The following CSMD1 variants were observed in gnomAD, a reference collection of about 807,000 sequenced individuals.
The protein encoded by CSMD1 is CUB and sushi domain-containing protein 1.
Under a neutral mutation model 417.5 loss-of-function variants are expected in CSMD1, and 213 were observed. The observed-to-expected ratio is 0.51, with a 90% CI of 0.46 to 0.57. The LOEUF is 0.57. Among genes scored for constraint, CSMD1 ranks in the 20% least tolerant of loss-of-function variants. The pLI, the probability that CSMD1 is intolerant of heterozygous loss-of-function variation, is 0.00. For missense variants in CSMD1, 6,923 were observed against 4,529.7 expected, an observed-to-expected ratio of 1.53 and a Z score of -15.17; for synonymous variants, 2,862 against 1,736.8, an observed-to-expected ratio of 1.65 and a Z score of -16.11.
intron 54 of CSMD1, among the ~76,000 whole-genome samples, chr8:2,988,188 T>C (rs1352162376): frequency 6.6e-6 from 1 of 152,170 alleles, no homozygotes; most frequent in African/African-American, 2.4e-5. Flanking sequence ...CCCATAATGA[T>C]TCTTTAGTGA....
chr8:3,993,876 C>A (rs1372678334), intron 5 of CSMD1, among the ~76,000 whole-genome samples: 1 of 152,084 alleles, frequency 6.6e-6, no homozygotes, highest in Non-Finnish European at 1.5e-5. Flanking sequence ...ATAATGGGAT[C>A]GACAAAAGAT....
intron 3 of CSMD1, among the ~76,000 whole-genome samples, chr8:4,204,461 G>T (rs931301897): frequency 2.0e-5 from 3 of 152,078 alleles, no homozygotes; most frequent in Admixed American, 1.3e-4. Context: ...GAACACCTGA[G>T]ATTTTGTCAG....
At chr8:4,831,450 C>G (rs1800142422) in intron 1 of CSMD1, among the ~76,000 whole-genome samples, 1 of 152,202 alleles carries the variant, frequency 6.6e-6, no homozygotes, top group South Asian at 2.1e-4. Context: ...GGAGTACATT[C>G]TATGTGCCAA....
At chr8:4,850,422 A>T in intron 1 of CSMD1, among the ~76,000 whole-genome samples, 1 of 131,686 alleles carries the variant, frequency 7.6e-6, no homozygotes, top group Non-Finnish European at 1.6e-5. Context: ...GCCTTTAGTA[A>T]AAAACATCTT....
intron 1 of CSMD1, among the ~76,000 whole-genome samples, chr8:4,729,180 G>T (rs1460146810): frequency 6.6e-6 from 1 of 152,056 alleles, no homozygotes; most frequent in African/African-American, 2.4e-5. Flanking sequence ...AAAATCAGAG[G>T]TCTCAGGAAA....
chr8:3,358,185 C>T (rs752896635), intron 21 of CSMD1, among the ~76,000 whole-genome samples: 4 of 152,174 alleles, frequency 2.6e-5, no homozygotes, highest in Admixed American at 6.5e-5. Context: ...GCCTCCAGTT[C>T]GTTAACTGGT....
intron 17 of CSMD1, among the ~76,000 whole-genome samples, chr8:3,392,459 T>C (rs1313254257): frequency 6.6e-6 from 1 of 152,056 alleles, no homozygotes; most frequent in Non-Finnish European, 1.5e-5. Context: ...GTAGCATTTT[T>C]CTCTTCCACG....
intron 1 of CSMD1, among the ~76,000 whole-genome samples, chr8:4,974,100 A>C (rs574737238): frequency 6.6e-6 from 1 of 152,134 alleles, no homozygotes; most frequent in Non-Finnish European, 1.5e-5. Context: ...GGCTCACTGC[A>C]ATCTCCGCCT....
intron 3 of CSMD1, among the ~76,000 whole-genome samples, chr8:4,284,889 G>A (rs1319780636): frequency 6.6e-6 from 1 of 152,106 alleles, no homozygotes; most frequent in Non-Finnish European, 1.5e-5. Flanking sequence ...ACACTTTTCT[G>A]TCTCCTCCTT....
chr8:3,669,861 G>T (rs937281220), intron 7 of CSMD1, among the ~76,000 whole-genome samples: 1 of 152,020 alleles, frequency 6.6e-6, no homozygotes, highest in African/African-American at 2.4e-5. Flanking sequence ...GAACAGGAGG[G>T]GCCCAGGTGA....
intron 3 of CSMD1, among the ~76,000 whole-genome samples, chr8:4,038,277 T>C (rs1188539628): frequency 6.6e-6 from 1 of 152,128 alleles, no homozygotes; most frequent in Non-Finnish European, 1.5e-5. Flanking sequence ...TAAATTAGAA[T>C]ATTTTCTTCT....
At chr8:4,454,069 G>A (rs954289027) in intron 2 of CSMD1, among the ~76,000 whole-genome samples, 3 of 152,000 alleles carry the variant, frequency 2.0e-5, no homozygotes, top group South Asian at 4.2e-4. Context: ...TGATCCGCCC[G>A]CCTCGGCCTC....
intron 9 of CSMD1, among the ~76,000 whole-genome samples, chr8:3,575,841 G>A (rs1217178188): frequency 1.8e-5 from 1 of 56,962 alleles, no homozygotes; most frequent in Non-Finnish European, 5.0e-5. Flanking sequence ...GTTTATGAAA[G>A]GAGTTTTTTT....
At chr8:4,233,972 G>C (rs556653519) in intron 3 of CSMD1, among the ~76,000 whole-genome samples, 1 of 151,844 alleles carries the variant, frequency 6.6e-6, no homozygotes, top group African/African-American at 2.4e-5. Flanking sequence ...GTAAAACGGC[G>C]GGGGGTGGGG....
chr8:3,877,739 G>A (rs28656313), intron 5 of CSMD1, among the ~76,000 whole-genome samples: 42,626 of 151,888 alleles, frequency 0.28, 8,096 homozygotes, highest in African/African-American at 0.54. Context: ...AAGTTTGACC[G>A]TTAATAATTC....
At chr8:3,637,404 C>T (rs1014807862) in intron 7 of CSMD1, among the ~76,000 whole-genome samples, 7 of 152,056 alleles carry the variant, frequency 4.6e-5, no homozygotes, top group Admixed American at 6.6e-5. Context: ...ACCTTATTAA[C>T]TTAAATAAAT....
In CSMD1 at chr8:4,771,913, G is replaced by A. The variant is rs181057763; in HGVS notation, c.86-134355C>T. On this transcript the variant is annotated intron_variant, in intron 1 of 69. Transcript: ENST00000635120. ...AGGGAGCCTCCAGAATCTGCCCCTC[G>A]GCTGCTACTCTAGCCCATCCCGGGG... Among the ~76,000 whole-genome samples the A allele has an allele frequency of 2.6e-4, 40 of 152,238 alleles. No homozygotes were observed. The East Asian group carries it at 6.6e-3, about 25-fold the overall frequency.
chr8:3,011,601 A>C (rs1267647338), intron 52 of CSMD1, among the ~76,000 whole-genome samples: 1 of 152,154 alleles, frequency 6.6e-6, no homozygotes, highest in Non-Finnish European at 1.5e-5. Context: ...TAGCGCAATA[A>C]ATGCAAACTT....
chr8:3,075,356 A>C (rs138272816), intron 49 of CSMD1, among the ~76,000 whole-genome samples: 2,381 of 145,914 alleles, frequency 0.016, 64 homozygotes, highest in African/African-American at 0.058. Flanking sequence ...ATCTCGGCTC[A>C]CCACAACCTC....
Sources: allele counts gnomAD v4.1 joint callset (sites outside exome capture counted in the v4.1 genomes callset), GRCh38; gene constraint gnomAD v4.1.1; transcripts MANE v1.5; gene names NCBI Gene and HGNC (gene_info 2026-07-23, HGNC 2026-07-21).